DSG1: variants seen among roughly 807,000 people sequenced by gnomAD.
DSG1 encodes the protein desmoglein-1.
In DSG1, 39 loss-of-function variants were observed where a neutral mutation model predicts 97.5. The observed-to-expected ratio is 0.40, with a 90% CI of 0.31 to 0.52. DSG1 has a LOEUF of 0.52. Among genes scored for constraint, DSG1 ranks in the 20% least tolerant of loss-of-function variants. The pLI, the probability that DSG1 is intolerant of heterozygous loss-of-function variation, is 0.53. For synonymous variants in DSG1, 475 were observed against 443.4 expected, an observed-to-expected ratio of 1.07 and a Z score of -0.90; for missense variants, 1,311 against 1,295.4, an observed-to-expected ratio of 1.01 and a Z score of -0.18.
chr18:31,330,610 G>T (rs1482510177), intron 5 of DSG1, among the ~76,000 whole-genome samples: 2 of 152,058 alleles, frequency 1.3e-5, no homozygotes, highest in Non-Finnish European at 2.9e-5. Context: ...AATATGGAAA[G>T]TAAAAGGGAA....
intron 14 of DSG1, among the ~76,000 whole-genome samples, chr18:31,350,525 A>G (rs2071886100): frequency 6.6e-6 from 1 of 150,798 alleles, no homozygotes. Flanking sequence ...ATTGATTGGA[A>G]TAGTTTCAGA....
In DSG1 at chr18:31,338,391, G is replaced by A. The variant is rs913062854; in HGVS notation, c.1342G>A (p.Val448Ile). ...RTGKLTLKNKVTKEQYNMLGG... is the reference protein window; with the variant it reads ...RTGKLTLKNKITKEQYNMLGG... ...AGGCAAACTCACTTTGAAAAATAAA[G>A]TTACCAAGGAACAGTACAATATGCT... Residue 448 changes from valine to isoleucine, a missense_variant, in exon 10 of 15, where the codon GTT becomes ATT. Coordinates refer to ENST00000257192, the MANE Select transcript of DSG1 (RefSeq NM_001942.4). The A allele has an allele frequency of 2.5e-6, 4 of 1,613,676 alleles. No individual in the cohort carries two copies. In the South Asian group the frequency reaches 3.3e-5, roughly 13 times the overall value.
At chr18:31,353,867 G>C (rs928764742) in intron 14 of DSG1, 2 of 247,292 alleles carry the variant, frequency 8.1e-6, no homozygotes, top group East Asian at 1.1e-4. Context: ...TGCACCCACT[G>C]TCTGGCACTC....
At chr18:31,335,073 C>A (rs930963) in intron 8 of DSG1, among the ~76,000 whole-genome samples, 71,670 of 152,006 alleles carry the variant, frequency 0.47, 17,831 homozygotes, top group South Asian at 0.61. Context: ...TGTCCCCATA[C>A]GAATGTGTGG....
At position 31,343,878 on chromosome 18, in the gene DSG1, T is replaced by C. The variant is rs374449362; in HGVS notation, c.1822-48T>C. The C allele has an allele frequency of 1.4e-4, 198 of 1,459,036 alleles. No individual in the cohort carries two copies. The African/African-American group carries it at 2.5e-3, about 19-fold the overall frequency. 90.4% of individuals were successfully genotyped at this position (1,459,036 alleles called of 1,614,324 possible). ...ACCAAATGTATGACTGCAGAAAGAT[T>C]ATAGTCATTGGTCACTACAAATGGA... On this transcript the variant is annotated intron_variant, in intron 12 of 14. Transcript: ENST00000257192.
intron 11 of DSG1, among the ~76,000 whole-genome samples, chr18:31,341,803 GTTTAAA>G (rs1269756066): frequency 6.6e-6 from 1 of 152,018 alleles, no homozygotes; most frequent in Non-Finnish European, 1.5e-5. Context: ...ATTGTAAAAT[GTTTAAA>G]TTTAATACTT....
At chr18:31,342,000 C>G (rs2071792585) in intron 11 of DSG1, among the ~76,000 whole-genome samples, 5 of 151,508 alleles carry the variant, frequency 3.3e-5, no homozygotes, top group Admixed American at 3.3e-4. Context: ...GTGGTGCAAT[C>G]TCGTCTCACT....
chr18:31,341,936 GTTTTTTTGT>G (rs1345144332), intron 11 of DSG1, among the ~76,000 whole-genome samples: 2 of 115,646 alleles, frequency 1.7e-5, no homozygotes, highest in South Asian at 3.1e-4. Context: ...TTGTTTTTTT[GTTTTTTTGT>G]TTTTTTTTGA....
intron 14 of DSG1, chr18:31,353,965 C>A (rs1041324000): frequency 3.1e-6 from 1 of 324,358 alleles, no homozygotes; most frequent in Non-Finnish European, 5.9e-6. Context: ...TAGACCAGAG[C>A]TGTTCCTATT....
Position 31,339,813 on chromosome 18 carries a change from C to G in DSG1, c.1475C>G (p.Thr492Ser). ...NIQSFGNDDR[T>S]NTEPNTKITT... Reference sequence around the variant, plus strand: ...CAAAGTTTTGGTAATGACGACAGGACTAATACAGAGCCGAACACTAAAATT... The same window carrying G: ...CAAAGTTTTGGTAATGACGACAGGAGTAATACAGAGCCGAACACTAAAATT... Residue 492 changes from threonine (T) to serine (S), a missense_variant, in exon 11 of 15, where the codon ACT (threonine) becomes AGT (serine). Around this residue, in one of 3 missense-constraint regions of DSG1, gnomAD observed 1,038 missense variants for 964.6 expected, o/e 1.08. Coordinates refer to ENST00000257192, the MANE Select transcript of DSG1 (RefSeq NM_001942.4). The G allele has an allele frequency of 6.2e-7, 1 of 1,613,342 alleles. No individual in the cohort carries two copies. Among genetic ancestry groups the G allele is most frequent in the South Asian group, 1.1e-5 (1 of 91,062 alleles).
In DSG1 at chr18:31,346,320, T is replaced by C; in HGVS notation, c.2100+122T>C. The C allele has an allele frequency of 4.8e-6, 4 of 836,272 alleles. No individual in the cohort carries two copies. In the Admixed American group the frequency reaches 7.5e-5, roughly 16 times the overall value. 51.8% of individuals were successfully genotyped at this position (836,272 alleles called of 1,614,324 possible). On this transcript the variant is annotated intron_variant, in intron 14 of 14. Transcript: ENST00000257192. ...CCTAACTAGATTCTCAGCCTTTAGT[T>C]TTTGTGCCCAACAATCCATGCTGTT...
chr18:31,333,716 A>C lies in DSG1; in HGVS notation c.812A>C (p.Gln271Pro), dbSNP rs1283601681. The C allele has an allele frequency of 6.2e-7, 1 of 1,613,716 alleles. No homozygotes were observed. Among genetic ancestry groups the C allele is most frequent in the Non-Finnish European group, 8.5e-7 (1 of 1,179,608 alleles). ...AATGATAATATCCCTTACATGGAAC[A>C]GTCTTCAGTAAGTATTTGTTCTTGG... is the stretch of plus-strand genomic sequence containing the variant. ...DVNDNIPYMEQSSYTIEIQEN... is the reference protein window; with the variant it reads ...DVNDNIPYMEPSSYTIEIQEN... The change falls in exon 7 of 15, where the codon CAG becomes CCG. Residue 271 changes from glutamine to proline, a missense_variant. Gln to Pro is a moderately conservative substitution (Grantham distance 76). Transcript: ENST00000257192.
Position 31,355,103 on chromosome 18 carries a change from G to C in DSG1, c.2907G>C (p.Gly969=). ...AGVTGISGTT[G]ISGGIGSSGL... Reference sequence around the variant, plus strand: ...TAACTGGAATTAGTGGCACCACTGGGATCAGCGGTGGCATAGGCAGCAGTG... The same window carrying C: ...TAACTGGAATTAGTGGCACCACTGGCATCAGCGGTGGCATAGGCAGCAGTG... Residue 969 remains glycine (G), a synonymous_variant, in exon 15 of 15, where the codon GGG becomes GGC. Coordinates refer to ENST00000257192, the MANE Select transcript of DSG1 (RefSeq NM_001942.4). The C allele has an allele frequency of 6.2e-7, 1 of 1,614,090 alleles. No homozygotes were observed. The highest frequency in any genetic ancestry group is 8.5e-7 in the Non-Finnish European group (1 of 1,179,936).
intron 11 of DSG1, among the ~76,000 whole-genome samples, chr18:31,341,258 A>G (rs2071786990): frequency 6.6e-6 from 1 of 152,258 alleles, no homozygotes; most frequent in African/African-American, 2.4e-5. Flanking sequence ...ATGTGGAATC[A>G]TAAAATCTTA....
chr18:31,329,118 C>G (rs754686122), intron 4 of DSG1, among the ~76,000 whole-genome samples: 1 of 152,136 alleles, frequency 6.6e-6, no homozygotes, highest in Non-Finnish European at 1.5e-5. Context: ...CTTTTTCTCA[C>G]AGCATATTCC....
chr18:31,323,772 T>C (rs1373748746), intron 1 of DSG1, among the ~76,000 whole-genome samples: 2 of 152,120 alleles, frequency 1.3e-5, no homozygotes, highest in Non-Finnish European at 2.9e-5. Context: ...GCATGTTCCA[T>C]CCAGCTAAAA....
intron 8 of DSG1, among the ~76,000 whole-genome samples, chr18:31,334,454 T>C (rs1451186298): frequency 6.6e-6 from 1 of 152,106 alleles, no homozygotes; most frequent in Non-Finnish European, 1.5e-5. Flanking sequence ...ATCATATAAA[T>C]TGAAAACACT....
At chr18:31,326,670 G>A in intron 2 of DSG1, 54 bp downstream of exon 2, 2 of 1,467,990 alleles carry the variant, frequency 1.4e-6, no homozygotes, top group Non-Finnish European at 1.9e-6. Flanking sequence ...AATAATTTGA[G>A]AATAACAATA....
intron 14 of DSG1, 30 bp from the exon 15 acceptor site, chr18:31,354,267 T>C: frequency 6.3e-7 from 1 of 1,595,906 alleles, no homozygotes; most frequent in Admixed American, 1.7e-5. Context: ...GCATTCATAA[T>C]TTCATTTTCT....
Sources: allele counts gnomAD v4.1 joint callset (sites outside exome capture counted in the v4.1 genomes callset), GRCh38; gene constraint gnomAD v4.1.1; regional missense constraint gnomAD v4.1.1; transcripts MANE v1.5; gene names NCBI Gene and HGNC (gene_info 2026-07-23, HGNC 2026-07-21).